Variants in KCNIP1 observed in about 807,000 individuals in gnomAD.
The protein encoded by KCNIP1 is A-type potassium channel modulatory protein KCNIP1.
Under a neutral mutation model 33.0 loss-of-function variants are expected in KCNIP1, and 18 were observed. That is an observed-to-expected ratio of 0.55 (90% CI 0.38 to 0.81). KCNIP1 has a LOEUF of 0.81. Ranked by LOEUF, KCNIP1 falls within the 30% of genes least tolerant of loss-of-function variation. KCNIP1 has a pLI of 0.00. For synonymous variants in KCNIP1, 93 were observed against 98.3 expected (o/e 0.95, Z 0.32); for missense variants, 238 against 271.6 (o/e 0.88, Z 0.87).
intron 1 of KCNIP1, among the ~76,000 whole-genome samples, chr5:170,709,955 C>T (rs534717426): frequency 2.0e-5 from 3 of 152,274 alleles, no homozygotes; most frequent in Admixed American, 2.0e-4. Flanking sequence ...GCAGCCTCCA[C>T]CCCTTGGGCT....
intron 1 of KCNIP1, among the ~76,000 whole-genome samples, chr5:170,647,179 C>A (rs1456081070): frequency 1.3e-5 from 2 of 152,168 alleles, no homozygotes; most frequent in African/African-American, 4.8e-5. Context: ...GTTATCAGTT[C>A]TTTCCAACTT....
intron 1 of KCNIP1, among the ~76,000 whole-genome samples, chr5:170,390,517 A>AAAAAAAAAAAATATATATAT: frequency 2.7e-5 from 2 of 74,546 alleles, no homozygotes; most frequent in Non-Finnish European, 5.0e-5. Context: ...AAAAAAAACA[A>AAAAAAAAAAAATATATATAT]ATATATATAT....
intron 1 of KCNIP1, among the ~76,000 whole-genome samples, chr5:170,584,805 GCTTT>G (rs1347020781): frequency 5.3e-5 from 8 of 152,126 alleles, no homozygotes; most frequent in African/African-American, 1.9e-4. Context: ...GAATCCGTGT[GCTTT>G]ATTTCTCCTG....
chr5:170,532,506 G>A (rs894635836), intron 1 of KCNIP1, among the ~76,000 whole-genome samples: 1 of 152,124 alleles, frequency 6.6e-6, no homozygotes, highest in Non-Finnish European at 1.5e-5. Flanking sequence ...AACACTTTTT[G>A]AGACCACGCA....
At chr5:170,359,037 G>C (rs1266819688) in intron 1 of KCNIP1, among the ~76,000 whole-genome samples, 1 of 152,180 alleles carries the variant, frequency 6.6e-6, no homozygotes, top group African/African-American at 2.4e-5. Context: ...GCAAAGGGTT[G>C]TGACAAATTC....
intron 1 of KCNIP1, among the ~76,000 whole-genome samples, chr5:170,363,258 C>G (rs11739111): frequency 0.16 from 23,788 of 152,246 alleles, 1,955 homozygotes; most frequent in East Asian, 0.2. Context: ...CCTGGTCAAA[C>G]CTGTCAGCAC....
chr5:170,353,605 C>A, exon 1 of KCNIP1: 1 of 544,368 alleles, frequency 1.8e-6, no homozygotes, highest in Non-Finnish European at 3.3e-6. Flanking sequence ...GCTGTCCCGG[C>A]CCTGGCATCC....
chr5:170,574,296 C>T (rs1044486242), intron 1 of KCNIP1, among the ~76,000 whole-genome samples: 2 of 152,158 alleles, frequency 1.3e-5, no homozygotes, highest in Non-Finnish European at 2.9e-5. Context: ...AAAACATCAC[C>T]AAACTTCTAA....
Position 170,722,793 on chromosome 5 carries a change from C to T in KCNIP1, c.408C>T (p.Ile136=). Residue 136 remains isoleucine (I), a synonymous_variant, in exon 5 of 8, where the codon ATC becomes ATT. Transcript: ENST00000328939. ...GGTGGACATTTAATTTGTATGACAT[C>T]AACAAGGACGGATACATAAACAAAG... ...KLRWTFNLYD[I]NKDGYINKEE... The T allele has an allele frequency of 1.9e-6, 3 of 1,613,168 alleles. No individual in the cohort carries two copies. Among genetic ancestry groups the T allele is most frequent in the Non-Finnish European group, 2.5e-6 (3 of 1,179,198 alleles).
At chr5:170,679,473 T>A (rs1327786575) in intron 1 of KCNIP1, among the ~76,000 whole-genome samples, 1 of 152,104 alleles carries the variant, frequency 6.6e-6, no homozygotes, top group Admixed American at 6.5e-5. Context: ...GCATTCACAT[T>A]CAGTTATTGT....
At chr5:170,371,691 A>G (rs920503016) in intron 1 of KCNIP1, among the ~76,000 whole-genome samples, 1 of 152,212 alleles carries the variant, frequency 6.6e-6, no homozygotes, top group Non-Finnish European at 1.5e-5. Context: ...GCATTCAGGT[A>G]GGTGTTCAAC....
intron 1 of KCNIP1, among the ~76,000 whole-genome samples, chr5:170,388,425 G>A (rs1425588926): frequency 6.6e-6 from 1 of 152,200 alleles, no homozygotes; most frequent in Non-Finnish European, 1.5e-5. Flanking sequence ...GTGGGTTTCA[G>A]CTATCATAGG....
chr5:170,452,835 G>A (rs548265554), intron 1 of KCNIP1, among the ~76,000 whole-genome samples: 96 of 152,220 alleles, frequency 6.3e-4, no homozygotes, highest in South Asian at 3.9e-3. Flanking sequence ...AGGAAACAGC[G>A]TGATTAAGGA....
intron 1 of KCNIP1, among the ~76,000 whole-genome samples, chr5:170,618,521 AG>A (rs1275822924): frequency 1.6e-5 from 1 of 63,110 alleles, no homozygotes; most frequent in African/African-American, 6.8e-5. Context: ...GAAGGAAGGG[AG>A]GGAGGGAGGG....
At chr5:170,594,047 A>G (rs77225413) in intron 1 of KCNIP1, among the ~76,000 whole-genome samples, 1,638 of 152,346 alleles carry the variant, frequency 0.011, 28 homozygotes, top group African/African-American at 0.037. Flanking sequence ...TGGAAGAGAC[A>G]TCTGACATTG....
At chr5:170,712,587 A>C (rs975678043) in intron 1 of KCNIP1, among the ~76,000 whole-genome samples, 25 of 152,216 alleles carry the variant, frequency 1.6e-4, no homozygotes, top group African/African-American at 6.0e-4. Context: ...CCATCTCTGC[A>C]GGCTGCATGA....
chr5:170,715,263 G>A (rs1399466708), intron 1 of KCNIP1, among the ~76,000 whole-genome samples: 1 of 152,140 alleles, frequency 6.6e-6, no homozygotes, highest in African/African-American at 2.4e-5. Flanking sequence ...CCCCATCTAG[G>A]TTTGCGTGAG....
Position 170,610,904 on chromosome 5 carries a change from T to C in KCNIP1, c.61+106271T>C, listed in dbSNP as rs563876632. Reference sequence around the variant, plus strand: ...AGATGCATATTCCAAACTTACTGAGTACCTAGTATGTGCGGGGTTCTTTCA... The same window carrying C: ...AGATGCATATTCCAAACTTACTGAGCACCTAGTATGTGCGGGGTTCTTTCA... On this transcript the variant is annotated intron_variant, in intron 1 of 7. Transcript: ENST00000328939. Among the ~76,000 whole-genome samples the C allele has an allele frequency of 4.6e-4, 70 of 152,332 alleles. 2 individuals are homozygous for C. The South Asian group carries it at 0.014, about 31-fold the overall frequency.
chr5:170,456,707 T>TTCTC, intron 1 of KCNIP1, among the ~76,000 whole-genome samples: 1 of 148,368 alleles, frequency 6.7e-6, no homozygotes, highest in Non-Finnish European at 1.5e-5. Context: ...CTCTTTTTCT[T>TTCTC]TCTTTCTTTC....
Sources: gnomAD v4.1 joint callset for allele counts (sites outside exome capture counted in the v4.1 genomes callset) on GRCh38, gnomAD v4.1.1 for gene constraint, MANE v1.5 for transcripts, NCBI Gene and HGNC (gene_info 2026-07-23, HGNC 2026-07-21) for gene names.